The following ANKRD13A variants were observed in gnomAD, a reference collection of about 807,000 sequenced individuals.
ANKRD13A encodes ankyrin repeat domain 13A, also known as ankyrin repeat domain-containing protein 13A.
ANKRD13A carries 48 observed loss-of-function variants against 81.3 expected under a neutral mutation model. The ratio of observed to expected loss-of-function variants is 0.59; its 90% CI spans 0.47 to 0.75. ANKRD13A has a LOEUF of 0.75. Among genes scored for constraint, ANKRD13A ranks in the 30% least tolerant of loss-of-function variants. ANKRD13A has a pLI of 0.00. For missense variants in ANKRD13A, 612 were observed against 734.0 expected (o/e 0.83, Z 1.92); for synonymous variants, 230 against 270.1 (o/e 0.85, Z 1.45).
chr12:110,027,416 C>T (rs1022707893), intron 8 of ANKRD13A: 4 of 365,412 alleles, frequency 1.1e-5, no homozygotes, highest in African/African-American at 2.1e-5. Flanking sequence ...ACATGGGTAG[C>T]GAGTGGCCAA....
chr12:110,016,585 C>A, intron 4 of ANKRD13A, 152 bp downstream of exon 4: 2 of 670,600 alleles, frequency 3.0e-6, no homozygotes, highest in Non-Finnish European at 4.7e-6. Context: ...CTGATAGTCC[C>A]AGTTAAACAC....
At chr12:110,010,856 A>G (rs1263916026) in intron 1 of ANKRD13A, among the ~76,000 whole-genome samples, 2 of 152,222 alleles carry the variant, frequency 1.3e-5, no homozygotes, top group Non-Finnish European at 2.9e-5. Context: ...GCGTATCTTC[A>G]GAGACTGCAG....
chr12:110,002,962 C>T (rs1890058122), intron 1 of ANKRD13A, among the ~76,000 whole-genome samples: 1 of 152,192 alleles, frequency 6.6e-6, no homozygotes, highest in Non-Finnish European at 1.5e-5. Context: ...ATTTGATCAG[C>T]AGAGGCATTT....
intron 7 of ANKRD13A, among the ~76,000 whole-genome samples, chr12:110,024,459 G>A (rs1891221680): frequency 1.3e-5 from 2 of 151,972 alleles, no homozygotes; most frequent in South Asian, 4.1e-4. Flanking sequence ...GTGTTCAAAT[G>A]TTGTGTAGTA....
Position 110,036,531 on chromosome 12 carries a change from C to T in ANKRD13A, c.1577+203C>T, listed in dbSNP as rs564798797. Among the ~76,000 whole-genome samples the T allele has an allele frequency of 9.2e-5, 14 of 152,270 alleles. No individual in the cohort carries two copies. The highest frequency in any genetic ancestry group is 2.1e-4 in the South Asian group (1 of 4,826). On this transcript the variant is annotated intron_variant, in intron 14 of 14. Transcript: ENST00000261739. This position sits in a 1 kb window ranked among gnomAD's most constrained non-coding sequence, Gnocchi z 4.6. ...TTGGGAGGCCGAGGCAGGCGGATCA[C>T]GAGGTCAGAAGATTGAGACCATCCT...
chr12:109,999,814 G>T lies in ANKRD13A; in HGVS notation c.96+30G>T, dbSNP rs2137059411. ...GGGGCGGGGCGGGGGTCCGTCTCCC[G>T]GTGGGGACTTCGGGGAATCGGGGGT... On this transcript the variant is annotated intron_variant, in intron 1 of 14. Transcript: ENST00000261739. This position sits in a 1 kb window ranked among gnomAD's most constrained non-coding sequence, Gnocchi z 4.3. The T allele has an allele frequency of 6.6e-7, 1 of 1,505,220 alleles. No homozygotes were observed. 93.2% of individuals were successfully genotyped at this position (1,505,220 alleles called of 1,614,324 possible). A position where few individuals can be genotyped will look rare whatever the true frequency, so the allele number is the denominator to read the frequency against.
chr12:110,000,937 A>G (rs913116595), intron 1 of ANKRD13A, among the ~76,000 whole-genome samples: 24 of 151,284 alleles, frequency 1.6e-4, no homozygotes, highest in Non-Finnish European at 3.4e-4. Context: ...TTGTATTTTT[A>G]GTAGAGATGG....
At chr12:110,000,058 C>T (rs980650744) in intron 1 of ANKRD13A, among the ~76,000 whole-genome samples, 1 of 152,198 alleles carries the variant, frequency 6.6e-6, no homozygotes, top group Non-Finnish European at 1.5e-5. Flanking sequence ...GGTCCTCAGA[C>T]GCTACGTGCC....
At chr12:110,033,146 C>T (rs1174754476) in intron 12 of ANKRD13A, among the ~76,000 whole-genome samples, 3 of 150,726 alleles carry the variant, frequency 2.0e-5, no homozygotes, top group South Asian at 2.1e-4. Flanking sequence ...CTCCGCCTCC[C>T]GGGTTCATGC....
chr12:110,030,514 AG>A, intron 11 of ANKRD13A, 130 bp from the exon 12 acceptor site: 1 of 434,808 alleles, frequency 2.3e-6, no homozygotes, highest in Non-Finnish European at 4.0e-6. Flanking sequence ...TGTATTGGGA[AG>A]GGTTGTTATG....
intron 1 of ANKRD13A, among the ~76,000 whole-genome samples, chr12:110,001,073 A>G (rs1375716590): frequency 6.7e-6 from 1 of 149,646 alleles, no homozygotes; most frequent in Non-Finnish European, 1.5e-5. Flanking sequence ...CTCTGCTTTT[A>G]AAGTCTCCCA....
At chr12:110,014,611 C>T (rs1174522306) in intron 3 of ANKRD13A, among the ~76,000 whole-genome samples, 1 of 152,086 alleles carries the variant, frequency 6.6e-6, no homozygotes, top group Non-Finnish European at 1.5e-5. Flanking sequence ...TAACATACAT[C>T]AGCCTTTCTT....
At chr12:110,012,626 A>G (rs1161557608) in intron 2 of ANKRD13A, among the ~76,000 whole-genome samples, 1 of 152,218 alleles carries the variant, frequency 6.6e-6, no homozygotes, top group Non-Finnish European at 1.5e-5. Context: ...CCTGAGGAAT[A>G]TGGTTACCTC....
chr12:110,028,732 TCCC>T, intron 10 of ANKRD13A, 90 bp downstream of exon 10: 1 of 1,536,388 alleles, frequency 6.5e-7, no homozygotes, highest in Non-Finnish European at 8.9e-7. Context: ...TCCACTGCCC[TCCC>T]CACCACCCTT....
chr12:110,016,522 G>A, intron 4 of ANKRD13A, 89 bp downstream of exon 4: 1 of 1,299,050 alleles, frequency 7.7e-7, no homozygotes, highest in Non-Finnish European at 1.1e-6. Flanking sequence ...AAAGTTACAT[G>A]TATTTTTTTT....
rs1344896893 is a variant in ANKRD13A at position 110,012,534 on chromosome 12, C to T, written c.229+397C>T. Among the ~76,000 whole-genome samples the T allele has an allele frequency of 3.3e-5, 5 of 152,232 alleles. No individual in the cohort carries two copies. In the East Asian group the frequency reaches 5.8e-4, roughly 18 times the overall value. On this transcript the variant is annotated intron_variant, in intron 2 of 14. Coordinates refer to ENST00000261739, the MANE Select transcript of ANKRD13A (RefSeq NM_033121.2). ...GGTTGCGTCCCAGGCCAGAAACCCTCGGTAGAGAATGACTCCTCATCCAGA... is the reference window on the plus strand; with the variant it reads ...GGTTGCGTCCCAGGCCAGAAACCCTTGGTAGAGAATGACTCCTCATCCAGA...
chr12:110,023,177 T>A (rs1891159957), intron 6 of ANKRD13A, among the ~76,000 whole-genome samples: 1 of 152,304 alleles, frequency 6.6e-6, no homozygotes, highest in South Asian at 2.1e-4. Context: ...GGAGCTGGGA[T>A]GTGATGTCCT....
intron 3 of ANKRD13A, 80 bp downstream of exon 3, chr12:110,013,329 T>C: frequency 6.4e-7 from 1 of 1,553,046 alleles, no homozygotes; most frequent in South Asian, 1.2e-5. Context: ...GACATCCTTG[T>C]GTGCCTTCCT....
In ANKRD13A at chr12:110,018,451, G is replaced by C. The variant is rs1477797527; in HGVS notation, c.507G>C (p.Trp169Cys). The change falls in exon 5 of 15, where the codon TGG becomes TGC. Residue 169 changes from tryptophan to cysteine, a missense_variant. Coordinates refer to ENST00000261739, the MANE Select transcript of ANKRD13A (RefSeq NM_033121.2). This position sits in a 1 kb window ranked among gnomAD's most constrained non-coding sequence, Gnocchi z 4.4. ...ITLLGFENMS[W>C]IRGRRSFIFK... ...TGCTGGGATTTGAAAACATGAGCTG[G>C]ATAAGAGGGAGGCGTAGTTTTATAT... The C allele has an allele frequency of 6.2e-7, 1 of 1,614,208 alleles. No individual in the cohort carries two copies. Among genetic ancestry groups the C allele is most frequent in the South Asian group, 1.1e-5 (1 of 91,078 alleles).
Sources: allele counts gnomAD v4.1 joint callset (sites outside exome capture counted in the v4.1 genomes callset), GRCh38; gene constraint gnomAD v4.1.1; non-coding constraint Gnocchi (gnomAD v3.1); transcripts MANE v1.5; gene names NCBI Gene and HGNC (gene_info 2026-07-23, HGNC 2026-07-21).